The following RACK1 variants were observed in gnomAD, a reference collection of about 807,000 sequenced individuals.
RACK1 encodes small ribosomal subunit protein RACK1.
Under a neutral mutation model 42.2 loss-of-function variants are expected in RACK1, and 3 were observed. The ratio of observed to expected loss-of-function variants is 0.07; its 90% CI spans 0.03 to 0.18. The LOEUF is 0.18. Among genes scored for constraint, RACK1 ranks in the 10% least tolerant of loss-of-function variants. The pLI is 1.00. For synonymous variants in RACK1, 181 were observed against 154.8 expected (o/e 1.17, Z -1.25); for missense variants, 146 against 403.2 (o/e 0.36, Z 5.46).
intron 1 of RACK1, chr5:181,243,388 C>T: frequency 7.0e-7 from 1 of 1,425,850 alleles, no homozygotes; most frequent in South Asian, 1.1e-5. Context: ...CCGCCCGGCC[C>T]GTAGGCCCCC....
chr5:181,241,220 G>C (rs1012277668), intron 3 of RACK1: 4 of 305,782 alleles, frequency 1.3e-5, no homozygotes, highest in Non-Finnish European at 2.4e-5. Context: ...CCTGAGCCCA[G>C]GAGTTTGAGA....
rs1279737 is a variant in RACK1 at position 181,243,885 on chromosome 5, G to T, written c.-85C>A. Reference sequence around the variant, plus strand: ...AACTAGCACCACAACCTCTCCTGCCGCCGCCTTGCAGTGAAAGAGAGAGAG... The same window carrying T: ...AACTAGCACCACAACCTCTCCTGCCTCCGCCTTGCAGTGAAAGAGAGAGAG... On this transcript the variant is annotated 5_prime_UTR_variant, in exon 1 of 8. Transcript: ENST00000512805. 2.7e-6 allele frequency: 4 copies of T among 1,484,460 alleles called. No individual in the cohort carries two copies. Among genetic ancestry groups the T allele is most frequent in the African/African-American group, 1.4e-5 (1 of 70,858 alleles). The allele number at this position is 1,484,460 out of a possible 1,614,324, so 92.0% of individuals were successfully genotyped here.
intron 1 of RACK1, 174 bp downstream of exon 1, chr5:181,243,518 T>C (rs1759435926): frequency 7.1e-7 from 1 of 1,413,266 alleles, no homozygotes; most frequent in Non-Finnish European, 9.5e-7. Flanking sequence ...TCGCCCGGGT[T>C]GAGGCCTAGG....
At chr5:181,242,021 A>C (rs995460380) in intron 2 of RACK1, 153 bp downstream of exon 2, 1 of 802,998 alleles carries the variant, frequency 1.2e-6, no homozygotes, top group Non-Finnish European at 2.1e-6. Flanking sequence ...TAACTTATTT[A>C]AAGTGAGGGA....
intron 2 of RACK1, 150 bp from the exon 3 acceptor site, chr5:181,241,789 G>T: frequency 2.3e-6 from 2 of 867,754 alleles, no homozygotes; most frequent in Non-Finnish European, 3.9e-6. Flanking sequence ...CTGAGTATAT[G>T]AAAGAGAAGA....
intron 1 of RACK1, 86 bp from the exon 2 acceptor site, chr5:181,242,431 T>C (rs1679932223): frequency 1.1e-6 from 1 of 905,400 alleles, no homozygotes; most frequent in African/African-American, 1.7e-5. Context: ...GTCAAGGTCA[T>C]GAGTGGGTTA....
At chr5:181,243,651 G>A (rs775362711) in intron 1 of RACK1, 41 bp downstream of exon 1, 31 of 1,555,072 alleles carry the variant, frequency 2.0e-5, no homozygotes, top group Non-Finnish European at 2.5e-5. Context: ...GAATCCCCCA[G>A]CCCTGCAATC....
chr5:181,243,457 T>C, intron 1 of RACK1: 2 of 1,490,692 alleles, frequency 1.3e-6, no homozygotes, highest in South Asian at 2.6e-5. Context: ...TCTCCAACCC[T>C]CCTAGCAGCT....
chr5:181,237,249 A>C lies in RACK1; in HGVS notation c.889-207T>G, dbSNP rs913870396. 4 of 946,986 alleles carry C rather than the reference A, an allele frequency of 4.2e-6. No individual in the cohort carries two copies. The African/African-American group carries it at 6.5e-5, about 15-fold the overall frequency. 58.7% of individuals were successfully genotyped at this position (946,986 alleles called of 1,614,324 possible). A position where few individuals can be genotyped will look rare whatever the true frequency, so the allele number is the denominator to read the frequency against. ...CCTCAGCCTCCAGTAGGCATGTGCC[A>C]CAACGCCGGGTAGACTGTAAGAAAC... On this transcript the variant is annotated intron_variant, in intron 7 of 7. Transcript: ENST00000512805.
chr5:181,243,394 C>T (rs1006734708), intron 1 of RACK1: 3 of 1,433,012 alleles, frequency 2.1e-6, no homozygotes, highest in South Asian at 1.1e-5. Flanking sequence ...GGCCCGTAGG[C>T]CCCCGGCCAC....
At chr5:181,238,038 C>T (rs1759205688) in intron 6 of RACK1, 61 bp downstream of exon 6, 2 of 1,586,110 alleles carry the variant, frequency 1.3e-6, no homozygotes, top group East Asian at 4.5e-5. Context: ...ATATAATAAC[C>T]AAAACATTGC....
At chr5:181,242,817 C>T (rs2113219745) in intron 1 of RACK1, 9 of 332,480 alleles carry the variant, frequency 2.7e-5, no homozygotes, top group South Asian at 1.8e-4. Context: ...CCTCTGCCTT[C>T]CAAAGTGCTG....
At chr5:181,243,648 C>T (rs1759443186) in intron 1 of RACK1, 44 bp downstream of exon 1, 1 of 1,553,030 alleles carries the variant, frequency 6.4e-7, no homozygotes, top group Non-Finnish European at 8.7e-7. Flanking sequence ...GCGGAATCCC[C>T]CAGCCCTGCA....
chr5:181,238,570 C>G (rs548254854), intron 5 of RACK1: 8 of 336,378 alleles, frequency 2.4e-5, no homozygotes, highest in South Asian at 1.5e-4. Flanking sequence ...TTTGGGAAGC[C>G]GAGGTGGGCG....
intron 3 of RACK1, 34 bp downstream of exon 3, chr5:181,241,458 G>A: frequency 6.6e-7 from 1 of 1,525,974 alleles, no homozygotes; most frequent in Non-Finnish European, 8.9e-7. Flanking sequence ...AGTTTAAGAG[G>A]GTGGAAGAGA....
chr5:181,239,431 G>T lies in RACK1; in HGVS notation c.525+56C>A. ...GCTTTCCACAGGACTTGGAGTGTAT[G>T]ACCACCTGGGAGCACACCCTGACTG... On this transcript the variant is annotated intron_variant, in intron 4 of 7. Coordinates refer to ENST00000512805, the MANE Select transcript of RACK1 (RefSeq NM_006098.5). 5 of 1,262,108 alleles carry T rather than the reference G, an allele frequency of 4.0e-6. No homozygotes were observed. In the South Asian group the frequency reaches 4.8e-5, roughly 12 times the overall value. 78.2% of individuals were successfully genotyped at this position (1,262,108 alleles called of 1,614,324 possible).
At chr5:181,243,174 G>A (rs1582300612) in intron 1 of RACK1, 1 of 826,546 alleles carries the variant, frequency 1.2e-6, no homozygotes, top group Non-Finnish European at 1.8e-6. Context: ...CAAAGCGGAA[G>A]CACAAGAAGC....
intron 7 of RACK1, 74 bp downstream of exon 7, chr5:181,237,535 C>G (rs1319256080): frequency 1.2e-6 from 1 of 840,112 alleles, no homozygotes; most frequent in East Asian, 2.4e-5. Flanking sequence ...GTCTGACAGA[C>G]TAGATATACT....
At chr5:181,239,273 G>T in intron 4 of RACK1, 96 bp from the exon 5 acceptor site, 1 of 853,478 alleles carries the variant, frequency 1.2e-6, no homozygotes, top group Non-Finnish European at 2.0e-6. Flanking sequence ...GGATACGGTA[G>T]CCATTTCTCA....
Sources: gnomAD v4.1 joint callset for allele counts on GRCh38, gnomAD v4.1.1 for gene constraint, MANE v1.5 for transcripts, NCBI Gene and HGNC (gene_info 2026-07-23, HGNC 2026-07-21) for gene names.